The following TBC1D14 variants were observed in gnomAD, a reference collection of about 807,000 sequenced individuals.
TBC1D14 encodes the protein TBC1 domain family member 14.
TBC1D14 carries 26 observed loss-of-function variants against 79.0 expected under a neutral mutation model. That is an observed-to-expected ratio of 0.33 (90% CI 0.24 to 0.46). The LOEUF (loss-of-function observed/expected upper bound fraction) is 0.46. TBC1D14 is among the 20% of genes least tolerant of loss of function. The pLI, the probability that TBC1D14 is intolerant of heterozygous loss-of-function variation, is 1.00. For synonymous variants in TBC1D14, 394 were observed against 349.9 expected (o/e 1.13, Z -1.40); for missense variants, 769 against 887.6 (o/e 0.87, Z 1.70).
intron 13 of TBC1D14, among the ~76,000 whole-genome samples, chr4:7,027,387 C>G (rs1237894370): frequency 7.7e-6 from 1 of 129,920 alleles, no homozygotes; most frequent in Non-Finnish European, 1.6e-5. Flanking sequence ...CACCCCCCAT[C>G]TCACACACCC....
intron 3 of TBC1D14, among the ~76,000 whole-genome samples, chr4:6,985,496 G>T (rs532840242): frequency 6.6e-6 from 1 of 152,278 alleles, no homozygotes; most frequent in East Asian, 1.9e-4. Flanking sequence ...GGAATTAGGG[G>T]TGTGTGTGTG....
intron 7 of TBC1D14, 109 bp from the exon 8 acceptor site, chr4:7,004,735 C>A: frequency 2.1e-6 from 2 of 947,484 alleles, no homozygotes; most frequent in Non-Finnish European, 3.3e-6. Flanking sequence ...ATGCATTAAG[C>A]CTATTATAGT....
rs896894656 is a variant in TBC1D14, at chr4:6,948,697, G to A, written c.723-18607G>A. 3.0e-4 allele frequency among the ~76,000 whole-genome samples: 44 copies of A among 148,924 alleles called. 1 individual carries two copies. The highest frequency in any genetic ancestry group is 1.2e-4 in the Non-Finnish European group (8 of 67,534). The stretch of plus-strand genomic sequence containing the variant: ...TTTTTGTCATTCCGGTGACAAGGTA[G>A]GGGTACTTGGTTTTTTTTTTTTTTT... On this transcript the variant is annotated intron_variant, in intron 2 of 13. Coordinates refer to ENST00000409757, the MANE Select transcript of TBC1D14 (RefSeq NM_020773.3).
rs138039621 is a variant in TBC1D14, at chr4:6,967,348, A to T, written c.767A>T (p.Asn256Ile). ...CAAAGTGCAAGGCTTGACAAACACA[A>T]TGACTTGGGATGGAAGTTATTTGGG... The part of the protein sequence containing the change: ...RKQSARLDKH[N>I]DLGWKLFGKA... Residue 256 changes from asparagine (N) to isoleucine (I), a missense_variant, in exon 3 of 14, where the codon AAT becomes ATT. By Grantham distance (149) the Asn-to-Ile change is moderately radical (BLOSUM62 -3). Transcript: ENST00000409757. 2 of 1,614,138 alleles carry T rather than the reference A, an allele frequency of 1.2e-6. No individual in the cohort carries two copies. The highest frequency in any genetic ancestry group is 1.7e-6 in the Non-Finnish European group (2 of 1,180,016).
chr4:6,912,698 G>C (rs566619432), intron 1 of TBC1D14, among the ~76,000 whole-genome samples: 2 of 152,214 alleles, frequency 1.3e-5, no homozygotes, highest in African/African-American at 4.8e-5. Context: ...CCGTGTCCAG[G>C]AAAGAGTAAC....
chr4:6,914,847 T>C (rs1345888469), intron 1 of TBC1D14, among the ~76,000 whole-genome samples: 1 of 152,174 alleles, frequency 6.6e-6, no homozygotes, highest in African/African-American at 2.4e-5. Context: ...GAGACTAGCC[T>C]GGCCAACAGG....
At chr4:7,004,543 G>A (rs1017278125) in intron 7 of TBC1D14, among the ~76,000 whole-genome samples, 2 of 152,192 alleles carry the variant, frequency 1.3e-5, no homozygotes, top group South Asian at 2.1e-4. Context: ...GGGATCTTGC[G>A]GTCTGGGAGA....
chr4:7,024,886 C>T, intron 12 of TBC1D14, 118 bp from the exon 13 acceptor site: 1 of 1,399,516 alleles, frequency 7.1e-7, no homozygotes, highest in African/African-American at 1.4e-5. Context: ...GCCCTGGCCC[C>T]AGCTGTTGCC....
chr4:6,944,831 T>G (rs1009854505), intron 2 of TBC1D14, among the ~76,000 whole-genome samples: 3 of 152,328 alleles, frequency 2.0e-5, no homozygotes, highest in Admixed American at 2.0e-4. Context: ...TCCAGGAACC[T>G]TCTCACTATC....
chr4:6,954,890 C>T (rs1451329437), intron 2 of TBC1D14, among the ~76,000 whole-genome samples: 3 of 152,390 alleles, frequency 2.0e-5, no homozygotes, highest in East Asian at 1.9e-4. Flanking sequence ...CAGGCGTGAG[C>T]GGCCGTGCCC....
intron 3 of TBC1D14, among the ~76,000 whole-genome samples, chr4:6,988,234 A>G (rs1718085808): frequency 1.3e-5 from 2 of 152,336 alleles, no homozygotes; most frequent in South Asian, 4.1e-4. Flanking sequence ...GGACACTTTC[A>G]GTTTCGTGCC....
chr4:7,024,448 C>T (rs1201397106), intron 12 of TBC1D14, among the ~76,000 whole-genome samples: 1 of 152,170 alleles, frequency 6.6e-6, no homozygotes, highest in South Asian at 2.1e-4. Context: ...GAAGTCCTGC[C>T]GCAGACAGGG....
chr4:6,960,037 C>G (rs190434136), intron 2 of TBC1D14, among the ~76,000 whole-genome samples: 2 of 148,732 alleles, frequency 1.3e-5, no homozygotes, highest in East Asian at 4.1e-4. Flanking sequence ...TCAAAAATTA[C>G]AAGACAGTAT....
At chr4:7,003,633 G>C (rs1719887165) in intron 7 of TBC1D14, among the ~76,000 whole-genome samples, 1 of 152,222 alleles carries the variant, frequency 6.6e-6, no homozygotes, top group South Asian at 2.1e-4. Context: ...ATGGGTAGCT[G>C]CAATTAAAGT....
intron 2 of TBC1D14, among the ~76,000 whole-genome samples, chr4:6,967,075 C>T (rs975125712): frequency 6.6e-6 from 1 of 152,216 alleles, no homozygotes; most frequent in Non-Finnish European, 1.5e-5. Context: ...TCCCAAAGTG[C>T]TGGGATTACA....
chr4:6,991,572 T>C (rs1489680540), intron 3 of TBC1D14, among the ~76,000 whole-genome samples: 1 of 152,204 alleles, frequency 6.6e-6, no homozygotes, highest in African/African-American at 2.4e-5. Flanking sequence ...TGCTTTTTTT[T>C]CTTGAACCTT....
chr4:6,938,823 G>A (rs1712598695), intron 2 of TBC1D14, among the ~76,000 whole-genome samples: 1 of 152,326 alleles, frequency 6.6e-6, no homozygotes, highest in South Asian at 2.1e-4. Flanking sequence ...AGGGGCTGTG[G>A]CTCGGGCTGG....
chr4:6,970,963 C>G (rs1028524376), intron 3 of TBC1D14, among the ~76,000 whole-genome samples: 2 of 143,762 alleles, frequency 1.4e-5, no homozygotes, highest in African/African-American at 2.6e-5. Context: ...CCTCAAGGAG[C>G]CTGTGGTTGA....
intron 1 of TBC1D14, among the ~76,000 whole-genome samples, chr4:6,919,250 T>A (rs1266563046): frequency 1.3e-5 from 2 of 151,774 alleles, no homozygotes; most frequent in East Asian, 1.9e-4. Flanking sequence ...GGGTTCAAGC[T>A]ATTCTCCTGC....
Sources: gnomAD v4.1 joint callset for allele counts (sites outside exome capture counted in the v4.1 genomes callset) on GRCh38, gnomAD v4.1.1 for gene constraint, MANE v1.5 for transcripts, NCBI Gene and HGNC (gene_info 2026-07-23, HGNC 2026-07-21) for gene names.